AGBL4: variants seen among roughly 807,000 people sequenced by gnomAD.
AGBL4 encodes the protein AGBL carboxypeptidase 4, also known as cytosolic carboxypeptidase 6.
In AGBL4, 58 loss-of-function variants were observed where a neutral mutation model predicts 66.4. The observed-to-expected ratio is 0.87, with a 90% CI of 0.71 to 1.09. The LOEUF is 1.09. Among genes scored for constraint, AGBL4 ranks in the 50% least tolerant of loss-of-function variants. The pLI is 0.00. For missense variants in AGBL4, 579 were observed against 631.0 expected (o/e 0.92, Z 0.88); for synonymous variants, 234 against 222.9 (o/e 1.05, Z -0.44).
intron 3 of AGBL4, among the ~76,000 whole-genome samples, chr1:49,376,118 C>T (rs1250367157): frequency 6.6e-6 from 1 of 152,124 alleles, no homozygotes; most frequent in Non-Finnish European, 1.5e-5. Context: ...CTCTGCAGCT[C>T]CATTCTTGCT....
At chr1:49,535,458 G>C (rs1378977730) in intron 3 of AGBL4, among the ~76,000 whole-genome samples, 1 of 150,344 alleles carries the variant, frequency 6.7e-6, no homozygotes, top group Non-Finnish European at 1.5e-5. Flanking sequence ...ATATAATTTA[G>C]TGGGAAAAAA....
intron 5 of AGBL4, among the ~76,000 whole-genome samples, chr1:49,018,098 G>A (rs1461530541): frequency 6.6e-6 from 1 of 152,178 alleles, no homozygotes; most frequent in Non-Finnish European, 1.5e-5. Context: ...GTAGGAAGAG[G>A]CACAAGTTAT....
chr1:48,818,761 T>C (rs1646244572), intron 6 of AGBL4, among the ~76,000 whole-genome samples: 1 of 152,112 alleles, frequency 6.6e-6, no homozygotes, highest in Non-Finnish European at 1.5e-5. Flanking sequence ...CTTTATAATA[T>C]GCATGCAAAA....
chr1:49,046,156 A>T (rs2149058470), intron 4 of AGBL4, among the ~76,000 whole-genome samples: 1 of 152,308 alleles, frequency 6.6e-6, no homozygotes, highest in Non-Finnish European at 1.5e-5. Context: ...CTCTGTCCTC[A>T]TGGATAATAG....
chr1:49,637,186 TGA>T (rs1645691106), intron 3 of AGBL4, among the ~76,000 whole-genome samples: 1 of 152,228 alleles, frequency 6.6e-6, no homozygotes, highest in Non-Finnish European at 1.5e-5. Flanking sequence ...TGTTATTGTG[TGA>T]GTTAATACTT....
At chr1:48,851,176 G>A (rs893881079) in intron 6 of AGBL4, among the ~76,000 whole-genome samples, 6 of 152,096 alleles carry the variant, frequency 3.9e-5, no homozygotes, top group Non-Finnish European at 5.9e-5. Context: ...GCCCTTATCC[G>A]TAGTGAGAAC....
intron 4 of AGBL4, among the ~76,000 whole-genome samples, chr1:49,086,786 C>T (rs2147969932): frequency 6.6e-6 from 1 of 152,194 alleles, no homozygotes; most frequent in South Asian, 2.1e-4. Flanking sequence ...CCGTATTCCC[C>T]CAGGAAGAAC....
At chr1:48,910,981 T>C (rs941155438) in intron 5 of AGBL4, among the ~76,000 whole-genome samples, 1 of 152,208 alleles carries the variant, frequency 6.6e-6, no homozygotes, top group Non-Finnish European at 1.5e-5. Context: ...CATGTGGCTT[T>C]GTTGGCTAAT....
chr1:49,342,044 C>G (rs1055143378), intron 3 of AGBL4, among the ~76,000 whole-genome samples: 1 of 152,112 alleles, frequency 6.6e-6, no homozygotes, highest in African/African-American at 2.4e-5. Flanking sequence ...AGATTGAAAC[C>G]GTTGATCATC....
chr1:49,359,837 A>G (rs1317357648), intron 3 of AGBL4, among the ~76,000 whole-genome samples: 2 of 152,090 alleles, frequency 1.3e-5, no homozygotes, highest in Admixed American at 6.6e-5. Flanking sequence ...TATTACTGGT[A>G]TGCTGAAGGT....
chr1:49,548,830 G>A (rs1195294598), intron 3 of AGBL4, among the ~76,000 whole-genome samples: 1 of 152,068 alleles, frequency 6.6e-6, no homozygotes, highest in Non-Finnish European at 1.5e-5. Context: ...TCTCTATGTT[G>A]TGGAATAGCA....
intron 6 of AGBL4, among the ~76,000 whole-genome samples, chr1:48,734,687 C>A (rs531954291): frequency 6.6e-6 from 1 of 152,210 alleles, no homozygotes; most frequent in African/African-American, 2.4e-5. Flanking sequence ...TATAAAGATG[C>A]TTCTTCCACA....
chr1:49,745,339 G>A (rs1558215395), intron 2 of AGBL4, among the ~76,000 whole-genome samples: 1 of 152,040 alleles, frequency 6.6e-6, no homozygotes, highest in Non-Finnish European at 1.5e-5. Context: ...TTTTGAGACA[G>A]AGAGAGATAC....
At chr1:49,290,195 T>G in intron 3 of AGBL4, among the ~76,000 whole-genome samples, 1 of 152,190 alleles carries the variant, frequency 6.6e-6, no homozygotes, top group South Asian at 2.1e-4. Flanking sequence ...TTCTAAAATT[T>G]AAGTGACCTA....
chr1:49,482,505 T>C (rs1336164988), intron 3 of AGBL4, among the ~76,000 whole-genome samples: 1 of 152,072 alleles, frequency 6.6e-6, no homozygotes, highest in Admixed American at 6.6e-5. Context: ...ATTGTTTTTA[T>C]ATAAATCTTC....
intron 4 of AGBL4, among the ~76,000 whole-genome samples, chr1:49,121,269 C>A (rs944755260): frequency 6.6e-6 from 1 of 152,168 alleles, no homozygotes; most frequent in Non-Finnish European, 1.5e-5. Context: ...AGCTGCAATC[C>A]TTTGGAGGAG....
At chr1:48,822,623 A>G (rs191176202) in intron 6 of AGBL4, among the ~76,000 whole-genome samples, 1 of 152,318 alleles carries the variant, frequency 6.6e-6, no homozygotes, top group African/African-American at 2.4e-5. Context: ...CACTGTCTTG[A>G]TTATATTAAC....
At chr1:48,649,420 G>T (rs1645891436) in intron 8 of AGBL4, among the ~76,000 whole-genome samples, 1 of 152,176 alleles carries the variant, frequency 6.6e-6, no homozygotes, top group Non-Finnish European at 1.5e-5. Flanking sequence ...GTTATCTATT[G>T]TTATATCATC....
intron 2 of AGBL4, among the ~76,000 whole-genome samples, chr1:49,735,859 T>A (rs1413664176): frequency 1.3e-5 from 2 of 151,930 alleles, no homozygotes; most frequent in Non-Finnish European, 2.9e-5. Context: ...TTAAATAACC[T>A]AATAAAAATA....
Sources: allele counts gnomAD v4.1 joint callset (sites outside exome capture counted in the v4.1 genomes callset), GRCh38; gene constraint gnomAD v4.1.1; transcripts MANE v1.5; gene names NCBI Gene and HGNC (gene_info 2026-07-23, HGNC 2026-07-21).